PADI4: variants seen among roughly 807,000 people sequenced by gnomAD.
PADI4 encodes peptidyl arginine deiminase 4.
In PADI4, 62 loss-of-function variants were observed where a neutral mutation model predicts 75.0. The observed-to-expected ratio is 0.83, with a 90% CI of 0.67 to 1.02. The LOEUF is 1.02. PADI4 is among the 50% of genes least tolerant of loss of function. The pLI is 0.00. For synonymous variants in PADI4, 361 were observed against 348.1 expected (o/e 1.04, Z -0.41); for missense variants, 845 against 850.5 (o/e 0.99, Z 0.08).
intron 4 of PADI4, among the ~76,000 whole-genome samples, chr1:17,336,505 G>A (rs2074314080): frequency 6.6e-6 from 1 of 152,178 alleles, no homozygotes; most frequent in Non-Finnish European, 1.5e-5. Flanking sequence ...AAATTCGTGG[G>A]CAGGTCTCGA....
intron 2 of PADI4, among the ~76,000 whole-genome samples, chr1:17,332,214 T>C (rs2074226776): frequency 1.3e-5 from 2 of 152,162 alleles, no homozygotes; most frequent in African/African-American, 4.8e-5. Flanking sequence ...GGGGCCCAGC[T>C]GGATGGTCCA....
Position 17,334,192 on chromosome 1 carries a change from C to T in PADI4, c.340+183C>T, listed in dbSNP as rs532530836. ...AATATTCCATCCTTAGTCAGTGAAC[C>T]ACAAAGAAATACAATGTGGCAGTGG... is the stretch of plus-strand genomic sequence containing the variant. On this transcript the variant is annotated intron_variant, in intron 3 of 15. Coordinates refer to ENST00000375448, the MANE Select transcript of PADI4 (RefSeq NM_012387.3). 15 of 598,438 alleles carry T rather than the reference C, an allele frequency of 2.5e-5. No homozygotes were observed. In the East Asian group the frequency reaches 2.8e-4, roughly 11 times the overall value. 37.1% of individuals were successfully genotyped at this position (598,438 alleles called of 1,614,324 possible). A position where few individuals can be genotyped will look rare whatever the true frequency, so the allele number is the denominator to read the frequency against.
intron 11 of PADI4, 71 bp from the exon 12 acceptor site, chr1:17,355,912 G>A (rs2074750919): frequency 3.8e-6 from 6 of 1,558,876 alleles, no homozygotes; most frequent in Non-Finnish European, 5.3e-6. Context: ...TTTTTGCCAA[G>A]CCCCTTGTCC....
chr1:17,356,247 G>A lies in PADI4; in HGVS notation c.1456-110G>A, dbSNP rs1040669288. 5 of 1,326,462 alleles carry A rather than the reference G, an allele frequency of 3.8e-6. No homozygotes were observed. The African/African-American group carries it at 7.3e-5, about 19-fold the overall frequency. The allele number at this position is 1,326,462 out of a possible 1,614,324, so 82.2% of individuals were successfully genotyped here. ...TCACCCTTAGGATGGCAGTAGAGGA[G>A]GTGGCCAGCTTGGGTCCAAGTCCAC... On this transcript the variant is annotated intron_variant, in intron 12 of 15. Coordinates refer to ENST00000375448, the MANE Select transcript of PADI4 (RefSeq NM_012387.3). The surrounding 1 kb of genome is among the most constrained non-coding windows in gnomAD (Gnocchi z 4.1).
At chr1:17,334,801 T>A (rs1166976804) in intron 3 of PADI4, 5 of 354,010 alleles carry the variant, frequency 1.4e-5, no homozygotes, top group Non-Finnish European at 2.8e-5. Context: ...AAACTTGACC[T>A]CATTTTGAAC....
At chr1:17,331,186 G>T in intron 2 of PADI4, 37 bp downstream of exon 2, 1 of 1,556,042 alleles carries the variant, frequency 6.4e-7, no homozygotes, top group Non-Finnish European at 8.8e-7. Flanking sequence ...GTGTGGATGG[G>T]CTTCAGCAGG....
At position 17,346,437 on chromosome 1, in the gene PADI4, G is replaced by A. The variant is rs939050135; in HGVS notation, c.1047+298G>A. 1.3e-5 allele frequency among the ~76,000 whole-genome samples: 2 copies of A among 152,148 alleles called. No homozygotes were observed. Among genetic ancestry groups the A allele is most frequent in the African/African-American group, 4.8e-5 (2 of 41,432 alleles). ...AGCTCAGGAGATTGGTGCTCAACCA[G>A]CCCCTCAAGTGGTCCTCCCTCCAGG... On this transcript the variant is annotated intron_variant, in intron 9 of 15. Coordinates refer to ENST00000375448, the MANE Select transcript of PADI4 (RefSeq NM_012387.3). The surrounding 1 kb of genome is among the most constrained non-coding windows in gnomAD (Gnocchi z 4.3).
intron 15 of PADI4, among the ~76,000 whole-genome samples, chr1:17,363,118 T>C (rs1289386290): frequency 6.6e-6 from 1 of 150,430 alleles, no homozygotes; most frequent in East Asian, 2.0e-4. Flanking sequence ...CACCCAGCAA[T>C]TTTTATTTTT....
intron 4 of PADI4, among the ~76,000 whole-genome samples, chr1:17,336,533 C>T (rs916691911): frequency 3.9e-5 from 6 of 152,144 alleles, no homozygotes; most frequent in Non-Finnish European, 7.3e-5. Context: ...TCAAAAACTC[C>T]CTACTCCATG....
chr1:17,347,960 A>G lies in PADI4; in HGVS notation c.1067A>G (p.Tyr356Cys). Residue 356 changes from tyrosine (Y) to cysteine (C), a missense_variant, in exon 10 of 16, where the codon TAC (tyrosine) becomes TGC (cysteine). Physicochemically the swap from Tyr to Cys is radical, Grantham distance 194. Coordinates refer to ENST00000375448, the MANE Select transcript of PADI4 (RefSeq NM_012387.3). ...CCACAGGATGAAATGGAGATCGGCT[A>G]CATCCAAGCCCCACACAAAACGCTG... Reference protein sequence around the residue: ...QWMQDEMEIGYIQAPHKTLPV... With the variant: ...QWMQDEMEIGCIQAPHKTLPV... The G allele has an allele frequency of 6.3e-7, 1 of 1,591,462 alleles. No homozygotes were observed. The highest frequency in any genetic ancestry group is 8.6e-7 in the Non-Finnish European group (1 of 1,165,908).
intron 6 of PADI4, among the ~76,000 whole-genome samples, 197 bp from the exon 7 acceptor site, chr1:17,341,746 C>T (rs1378898714): frequency 1.3e-5 from 2 of 152,206 alleles, no homozygotes; most frequent in African/African-American, 4.8e-5. Flanking sequence ...CCTTCTGGGA[C>T]TTCAGCCGGG....
intron 1 of PADI4, among the ~76,000 whole-genome samples, chr1:17,312,118 C>G (rs977397615): frequency 6.6e-6 from 1 of 152,022 alleles, no homozygotes; most frequent in Non-Finnish European, 1.5e-5. Context: ...ATCTGTAGTC[C>G]GTGCTTTTTC....
chr1:17,334,425 C>A lies in PADI4; in HGVS notation c.340+416C>A, dbSNP rs756023705. ...TCAAGCGATCCTCCTGCTTCAGCGT[C>A]CCTAGTAGCTGGGACTACAGGCGCT... On this transcript the variant is annotated intron_variant, in intron 3 of 15. Coordinates refer to ENST00000375448, the MANE Select transcript of PADI4 (RefSeq NM_012387.3). The A allele has an allele frequency of 1.3e-5, 6 of 460,244 alleles. No homozygotes were observed. In the Admixed American group the frequency reaches 1.4e-4, roughly 11 times the overall value. 28.5% of individuals were successfully genotyped at this position (460,244 alleles called of 1,614,324 possible). A position where few individuals can be genotyped will look rare whatever the true frequency, so the allele number is the denominator to read the frequency against.
At chr1:17,360,486 C>A (rs1036053858) in intron 15 of PADI4, among the ~76,000 whole-genome samples, 1 of 152,100 alleles carries the variant, frequency 6.6e-6, no homozygotes, top group Non-Finnish European at 1.5e-5. Flanking sequence ...AAGATGGAGT[C>A]TTTTTCTAAG....
rs1384405928 is a variant in PADI4 at position 17,358,767 on chromosome 1, C to CGG, written c.1559-70_1559-69dup. 6.4e-5 allele frequency: 62 copies of CGG among 962,072 alleles called. 1 individual carries two copies. The South Asian group carries it at 7.3e-4, about 11-fold the overall frequency. 59.6% of individuals were successfully genotyped at this position (962,072 alleles called of 1,614,324 possible). A position where few individuals can be genotyped will look rare whatever the true frequency, so the allele number is the denominator to read the frequency against. On this transcript the variant is annotated intron_variant, in intron 13 of 15. Coordinates refer to ENST00000375448, the MANE Select transcript of PADI4 (RefSeq NM_012387.3). Reference sequence around the variant, plus strand: ...TAGATGGGAACACTGAGTCCCCCCCCGGCACTGGCTGGGAAGAGGGAAATC... The same window carrying CGG: ...TAGATGGGAACACTGAGTCCCCCCCCGGGGCACTGGCTGGGAAGAGGGAAATC...
intron 1 of PADI4, 64 bp downstream of exon 1, chr1:17,308,378 C>A: frequency 7.9e-7 from 1 of 1,271,622 alleles, no homozygotes; most frequent in Non-Finnish European, 1.1e-6. Flanking sequence ...CCCAGTTCTA[C>A]TGACACAGGA....
At chr1:17,310,212 T>A (rs2073794945) in intron 1 of PADI4, among the ~76,000 whole-genome samples, 2 of 152,030 alleles carry the variant, frequency 1.3e-5, no homozygotes, top group South Asian at 4.2e-4. Flanking sequence ...ATGTTGTTAT[T>A]CCCATTTTAC....
chr1:17,331,223 T>TG, intron 2 of PADI4, 74 bp downstream of exon 2: 3 of 1,299,748 alleles, frequency 2.3e-6, no homozygotes, highest in Non-Finnish European at 3.2e-6. Flanking sequence ...TGTCCTGCCG[T>TG]GATCCACAGC....
chr1:17,363,467 T>C lies in PADI4; in HGVS notation c.1759-55T>C, dbSNP rs143869873. The stretch of plus-strand genomic sequence containing the variant: ...TCAGAGAAGGGTGGGGCCGCTCAGA[T>C]TGCGCTGCAGGCTGCCCGCTGCTGC... On this transcript the variant is annotated intron_variant, in intron 15 of 15. Transcript: ENST00000375448. 1.4e-3 allele frequency: 1,757 copies of C among 1,273,750 alleles called. 20 individuals carry two copies. In the African/African-American group the frequency reaches 0.02, roughly 15 times the overall value. 78.9% of individuals were successfully genotyped at this position (1,273,750 alleles called of 1,614,324 possible). A position where few individuals can be genotyped will look rare whatever the true frequency, so the allele number is the denominator to read the frequency against.
Sources: allele counts gnomAD v4.1 joint callset (sites outside exome capture counted in the v4.1 genomes callset), GRCh38; gene constraint gnomAD v4.1.1; non-coding constraint Gnocchi (gnomAD v3.1); transcripts MANE v1.5; gene names NCBI Gene and HGNC (gene_info 2026-07-23, HGNC 2026-07-21).